The following SLIT2 variants were observed in gnomAD, a reference collection of about 807,000 sequenced individuals.
The protein encoded by SLIT2 is slit homolog 2 protein.
Under a neutral mutation model 185.7 loss-of-function variants are expected in SLIT2, and 41 were observed. The observed-to-expected ratio is 0.22, with a 90% CI of 0.17 to 0.29. The LOEUF is 0.29. SLIT2 is among the 10% of genes least tolerant of loss of function. The pLI, the probability that SLIT2 is intolerant of heterozygous loss-of-function variation, is 1.00. For synonymous variants in SLIT2, 693 were observed against 680.2 expected (o/e 1.02, Z -0.29); for missense variants, 1,571 against 1,909.0 (o/e 0.82, Z 3.30).
At chr4:20,466,837 C>T (rs560036434) in intron 4 of SLIT2, among the ~76,000 whole-genome samples, 89 of 152,172 alleles carry the variant, frequency 5.8e-4, no homozygotes, top group African/African-American at 2.0e-3. Context: ...ATCATTGTTG[C>T]TTTAATAATT....
chr4:20,492,953 G>A (rs1265241728), intron 9 of SLIT2, among the ~76,000 whole-genome samples: 2 of 152,048 alleles, frequency 1.3e-5, no homozygotes, highest in African/African-American at 4.8e-5. Context: ...ACCTCTGCAG[G>A]AATTCTAGAC....
intron 4 of SLIT2, among the ~76,000 whole-genome samples, chr4:20,403,513 G>A (rs1304912204): frequency 6.6e-6 from 1 of 151,946 alleles, no homozygotes; most frequent in Non-Finnish European, 1.5e-5. Context: ...AGTTCATCAG[G>A]AGTACAATTT....
chr4:20,421,758 C>T (rs1447576409), intron 4 of SLIT2, among the ~76,000 whole-genome samples: 1 of 152,162 alleles, frequency 6.6e-6, no homozygotes, highest in Non-Finnish European at 1.5e-5. Flanking sequence ...CCATGAAATC[C>T]AGCTCTGATG....
Position 20,482,041 on chromosome 4 carries a change from C to A in SLIT2, c.539+1254C>A, listed in dbSNP as rs369491530. Among the ~76,000 whole-genome samples the A allele has an allele frequency of 1.1e-4, 16 of 151,960 alleles. No individual in the cohort carries two copies. The East Asian group carries it at 1.2e-3, about 11-fold the overall frequency. ...TTAAGACCACTATTTAAATTGTATACCAGAACCATTTTTAATATACGAAAC... is the reference window on the plus strand; with the variant it reads ...TTAAGACCACTATTTAAATTGTATAACAGAACCATTTTTAATATACGAAAC... On this transcript the variant is annotated intron_variant, in intron 6 of 36. Transcript: ENST00000504154.
intron 4 of SLIT2, among the ~76,000 whole-genome samples, chr4:20,421,639 C>T (rs530893562): frequency 1.3e-5 from 2 of 152,086 alleles, no homozygotes; most frequent in African/African-American, 4.8e-5. Flanking sequence ...CCCTTCTCCC[C>T]AGCCCCCAAA....
chr4:20,567,279 A>G lies in SLIT2; in HGVS notation c.2743A>G (p.Ile915Val), dbSNP rs757079929. The G allele has an allele frequency of 5.6e-6, 9 of 1,609,436 alleles. No homozygotes were observed. In the East Asian group the frequency reaches 1.8e-4, roughly 32 times the overall value. The change falls in exon 27 of 37, where the codon ATT becomes GTT. Residue 915 changes from isoleucine to valine, a missense_variant. Physicochemically the swap from Ile to Val is conservative, Grantham distance 29 (BLOSUM62 3). This residue lies in a region of SLIT2 where 1,202 missense variants were observed against 1,416.4 expected (regional missense o/e 0.85). Coordinates refer to ENST00000504154, the MANE Select transcript of SLIT2 (RefSeq NM_004787.4). ...ATTTTCAGGTCCTGTGGATGTCAATATTCTAGCTAAGTGTAACCCCTGCCT... is the reference window on the plus strand; with the variant it reads ...ATTTTCAGGTCCTGTGGATGTCAATGTTCTAGCTAAGTGTAACCCCTGCCT... ...FTCQGPVDVN[I>V]LAKCNPCLSN...
intron 25 of SLIT2, 48 bp from the exon 26 acceptor site, chr4:20,553,751 GTGTGTA>G: frequency 7.4e-7 from 1 of 1,343,166 alleles, no homozygotes. Context: ...GTGTGTGTGT[GTGTGTA>G]TGTGTGTGTG....
At chr4:20,579,449 TAAA>T (rs1195270936) in intron 29 of SLIT2, among the ~76,000 whole-genome samples, 4 of 152,090 alleles carry the variant, frequency 2.6e-5, no homozygotes, top group African/African-American at 9.7e-5. Flanking sequence ...TAATTAAAAA[TAAA>T]AATTTCATTC....
At chr4:20,259,936 G>C (rs1358546575) in intron 3 of SLIT2, among the ~76,000 whole-genome samples, 1 of 151,778 alleles carries the variant, frequency 6.6e-6, no homozygotes, top group East Asian at 1.9e-4. Context: ...GAAGCACATT[G>C]TTATCTGACA....
At chr4:20,374,882 T>C (rs575966499) in intron 4 of SLIT2, among the ~76,000 whole-genome samples, 55 of 152,216 alleles carry the variant, frequency 3.6e-4, no homozygotes, top group African/African-American at 1.3e-3. Context: ...ATTTTTCTGA[T>C]AACTCTAAAA....
At chr4:20,451,108 C>T (rs1712423984) in intron 4 of SLIT2, among the ~76,000 whole-genome samples, 1 of 152,048 alleles carries the variant, frequency 6.6e-6, no homozygotes. Flanking sequence ...TATAAGTCAC[C>T]CAGCAGCCCT....
chr4:20,257,886 G>A lies in SLIT2; in HGVS notation c.270G>A (p.Lys90=), dbSNP rs1310238526. The part of the protein sequence containing the change: ...HLRVLQLMEN[K]ISTIERGAFQ... ...ATTTCAGTCAGCTTATGGAGAATAA[G>A]ATTAGCACCATTGAAAGAGGAGCAT... is the stretch of plus-strand genomic sequence containing the variant. Residue 90 remains lysine (K), a synonymous_variant, in exon 3 of 37, where the codon AAG becomes AAA. Transcript: ENST00000504154. The A allele has an allele frequency of 6.4e-7, 1 of 1,568,102 alleles. No homozygotes were observed. The highest frequency in any genetic ancestry group is 8.8e-7 in the Non-Finnish European group (1 of 1,140,184).
At chr4:20,369,003 C>T (rs1723357210) in intron 4 of SLIT2, among the ~76,000 whole-genome samples, 1 of 152,094 alleles carries the variant, frequency 6.6e-6, no homozygotes, top group Non-Finnish European at 1.5e-5. Context: ...ATTTCAGCCA[C>T]TACTTCTGGT....
intron 18 of SLIT2, 27 bp from the exon 19 acceptor site, chr4:20,539,414 A>G (rs1265137287): frequency 3.7e-6 from 6 of 1,604,678 alleles, no homozygotes; most frequent in Non-Finnish European, 4.3e-6. Flanking sequence ...CTTTGTCTCC[A>G]TAACAATGTC....
intron 22 of SLIT2, among the ~76,000 whole-genome samples, chr4:20,548,191 A>C (rs1197941875): frequency 6.6e-6 from 1 of 152,096 alleles, no homozygotes; most frequent in East Asian, 1.9e-4. Flanking sequence ...AAGGGCAAAT[A>C]AACTCTGCTC....
chr4:20,540,879 C>A (rs1261393438), intron 19 of SLIT2, among the ~76,000 whole-genome samples: 1 of 152,038 alleles, frequency 6.6e-6, no homozygotes, highest in Non-Finnish European at 1.5e-5. Flanking sequence ...TGGTGAGATG[C>A]CAGAAGTATT....
intron 11 of SLIT2, among the ~76,000 whole-genome samples, chr4:20,512,538 C>T (rs1236680183): frequency 6.6e-6 from 1 of 152,038 alleles, no homozygotes; most frequent in Admixed American, 6.6e-5. Context: ...GAAAATATAG[C>T]GTGTAGTCAT....
At chr4:20,553,753 G>C in intron 25 of SLIT2, 52 bp from the exon 26 acceptor site, 1 of 1,376,424 alleles carries the variant, frequency 7.3e-7, no homozygotes, top group South Asian at 1.6e-5. Context: ...GTGTGTGTGT[G>C]TGTATGTGTG....
At chr4:20,431,935 ATCTC>A (rs749251322) in intron 4 of SLIT2, among the ~76,000 whole-genome samples, 5 of 151,344 alleles carry the variant, frequency 3.3e-5, no homozygotes, top group Admixed American at 6.6e-5. Flanking sequence ...TGATAACTAA[ATCTC>A]TCTCTCTCTC....
Sources: gnomAD v4.1 joint callset for allele counts (sites outside exome capture counted in the v4.1 genomes callset) on GRCh38, gnomAD v4.1.1 for gene constraint, gnomAD v4.1.1 regional missense constraint, MANE v1.5 for transcripts, NCBI Gene and HGNC (gene_info 2026-07-23, HGNC 2026-07-21) for gene names.